CACHD1: variants seen among roughly 807,000 people sequenced by gnomAD.
The protein encoded by CACHD1 is VWFA and cache domain-containing protein 1.
A neutral mutation model predicts 138.7 loss-of-function variants in CACHD1; 71 were observed. The ratio of observed to expected loss-of-function variants is 0.51; its 90% CI spans 0.42 to 0.62. The LOEUF is 0.62. CACHD1 is among the 20% of genes least tolerant of loss of function. CACHD1 has a pLI of 0.00. For missense variants in CACHD1, 1,389 were observed against 1,625.3 expected, an observed-to-expected ratio of 0.85 and a Z score of 2.50; for synonymous variants, 578 against 591.5, an observed-to-expected ratio of 0.98 and a Z score of 0.33.
Position 64,693,041 on chromosome 1 carries a change from C to T in CACHD1, c.*1480C>T, listed in dbSNP as rs1926303. 0.91 allele frequency: 139,221 copies of T among 152,742 alleles called. 63,672 individuals carry two copies. The highest frequency in any genetic ancestry group is 1 in the East Asian group (5,179 of 5,184). The allele number at this position is 152,742 out of a possible 1,614,324, so 9.5% of individuals were successfully genotyped here. A position where few individuals can be genotyped will look rare whatever the true frequency, so the allele number is the denominator to read the frequency against. ...AAAATTGCAATCTAGTGAAATAAAC[C>T]GTATGCAATGGACCATTTTAGTGGC... On this transcript the variant is annotated 3_prime_UTR_variant, in exon 27 of 27. Transcript: ENST00000651257.
intron 4 of CACHD1, among the ~76,000 whole-genome samples, chr1:64,606,004 T>G (rs1647325048): frequency 6.6e-6 from 1 of 152,078 alleles, no homozygotes; most frequent in African/African-American, 2.4e-5. Flanking sequence ...GTCTCCTACC[T>G]GTTAAGTGGA....
chr1:64,647,783 C>T lies in CACHD1; in HGVS notation c.1157-18C>T, dbSNP rs1648957810. ...ACCATTTTGCTTTCCGTGGTCTTCTCTCGGCTTTCCATTTTAGATGGGGTG... is the reference window on the plus strand; with the variant it reads ...ACCATTTTGCTTTCCGTGGTCTTCTTTCGGCTTTCCATTTTAGATGGGGTG... On this transcript the variant is annotated intron_variant, in intron 8 of 26. Coordinates refer to ENST00000651257, the MANE Select transcript of CACHD1 (RefSeq NM_020925.4). The T allele has an allele frequency of 2.5e-6, 4 of 1,611,662 alleles. No individual in the cohort carries two copies. The East Asian group carries it at 8.9e-5, about 36-fold the overall frequency.
Position 64,637,102 on chromosome 1 carries a change from C to A in CACHD1, c.1006+2842C>A, listed in dbSNP as rs17387510. 6.2e-3 allele frequency among the ~76,000 whole-genome samples: 939 copies of A among 152,296 alleles called. 6 individuals carry two copies. The highest frequency in any genetic ancestry group is 9.6e-3 in the Non-Finnish European group (654 of 68,010). On this transcript the variant is annotated intron_variant, in intron 7 of 26. Coordinates refer to ENST00000651257, the MANE Select transcript of CACHD1 (RefSeq NM_020925.4). ...GGCAGATTGGCCTGTTTGTCAATGC[C>A]ACCCACCTGTCAGCATTCCTCACTA... is the stretch of plus-strand genomic sequence containing the variant.
intron 14 of CACHD1, 194 bp from the exon 15 acceptor site, chr1:64,664,304 C>T (rs1299280714): frequency 2.2e-5 from 13 of 597,242 alleles, no homozygotes; most frequent in South Asian, 8.6e-5. Flanking sequence ...TGAGTGATCA[C>T]GCATCTGCTG....
intron 4 of CACHD1, among the ~76,000 whole-genome samples, chr1:64,615,756 A>G (rs1188279956): frequency 2.0e-5 from 3 of 152,224 alleles, no homozygotes; most frequent in Non-Finnish European, 4.4e-5. Flanking sequence ...AACACACATA[A>G]ATGTCCCATG....
At chr1:64,535,327 G>GTTT (rs3078381) in intron 1 of CACHD1, among the ~76,000 whole-genome samples, 16,690 of 136,410 alleles carry the variant, frequency 0.12, 2,208 homozygotes, top group African/African-American at 0.34. Flanking sequence ...AATTTGGAGG[G>GTTT]TTTTTTTTTT....
intron 1 of CACHD1, among the ~76,000 whole-genome samples, chr1:64,548,958 T>A (rs1332083112): frequency 1.3e-5 from 2 of 152,184 alleles, no homozygotes; most frequent in African/African-American, 4.8e-5. Context: ...ACAATAGAGT[T>A]AGGAGCGCCA....
chr1:64,483,636 GAGTT>G (rs1205114970), intron 1 of CACHD1, among the ~76,000 whole-genome samples: 1 of 143,220 alleles, frequency 7.0e-6, no homozygotes, highest in Non-Finnish European at 1.5e-5. Flanking sequence ...TTGAGGCCAG[GAGTT>G]CAAGACCAGT....
intron 19 of CACHD1, 30 bp from the exon 20 acceptor site, chr1:64,675,371 G>A: frequency 6.5e-7 from 1 of 1,532,812 alleles, no homozygotes; most frequent in South Asian, 1.2e-5. Flanking sequence ...ATTGCTGTCT[G>A]TCATTTCTGA....
chr1:64,687,872 A>G (rs1397722999), intron 26 of CACHD1, among the ~76,000 whole-genome samples: 2 of 152,122 alleles, frequency 1.3e-5, no homozygotes, highest in African/African-American at 4.8e-5. Flanking sequence ...GATAAACAGG[A>G]ACTTACAATT....
At chr1:64,613,027 A>C (rs1647587210) in intron 4 of CACHD1, among the ~76,000 whole-genome samples, 1 of 152,162 alleles carries the variant, frequency 6.6e-6, no homozygotes, top group Admixed American at 6.5e-5. Context: ...CATTAATAGG[A>C]GTTTGGAAGA....
chr1:64,495,691 CTTTT>C (rs11302911), intron 1 of CACHD1, among the ~76,000 whole-genome samples: 2 of 148,042 alleles, frequency 1.4e-5, no homozygotes, highest in East Asian at 4.0e-4. Context: ...AAGAGAATTA[CTTTT>C]TTTTTTTTTG....
intron 10 of CACHD1, 143 bp from the exon 11 acceptor site, chr1:64,653,615 C>G (rs888122798): frequency 1.4e-5 from 10 of 693,790 alleles, no homozygotes; most frequent in Non-Finnish European, 2.1e-5. Context: ...AAAACAGGTT[C>G]AGTTTTTACT....
chr1:64,638,389 C>T (rs1037687978), intron 7 of CACHD1, among the ~76,000 whole-genome samples: 1 of 152,148 alleles, frequency 6.6e-6, no homozygotes, highest in African/African-American at 2.4e-5. Flanking sequence ...ACATTGGTAG[C>T]CATATAAAAA....
chr1:64,557,474 C>A (rs1570363650), intron 2 of CACHD1, among the ~76,000 whole-genome samples: 1 of 152,046 alleles, frequency 6.6e-6, no homozygotes, highest in South Asian at 2.1e-4. Flanking sequence ...TTTCAGAATT[C>A]CTTTGAAATG....
chr1:64,599,421 T>C (rs1647192540), intron 3 of CACHD1, among the ~76,000 whole-genome samples: 2 of 151,690 alleles, frequency 1.3e-5, no homozygotes, highest in Admixed American at 6.6e-5. Flanking sequence ...TAGGGAGAAA[T>C]TTGAAAGAGG....
At chr1:64,474,606 A>AT (rs567875485) in intron 1 of CACHD1, among the ~76,000 whole-genome samples, 163 of 152,306 alleles carry the variant, frequency 1.1e-3, no homozygotes, top group African/African-American at 3.8e-3. Flanking sequence ...TATTCAGGGG[A>AT]TTTTACAAGG....
rs11297820 is a variant in CACHD1, at chr1:64,483,864, T to TC, written c.198+12933dup. Among the ~76,000 whole-genome samples, 653 of 130,576 alleles carry TC rather than the reference T, an allele frequency of 5.0e-3. 4 individuals are homozygous for TC. The highest frequency in any genetic ancestry group is 6.2e-3 in the Non-Finnish European group (391 of 63,564). The allele number at this position is 130,576 out of a possible 152,430, so 85.7% of individuals were successfully genotyped here. On this transcript the variant is annotated intron_variant, in intron 1 of 26. Transcript: ENST00000651257. ...ACCTTTGTGACCTTATCTTTTACCT[T>TC]CCCCCCCCCCCTTGCATATAACTCT...
At chr1:64,471,753 A>G (rs1392299943) in intron 1 of CACHD1, among the ~76,000 whole-genome samples, 2 of 152,194 alleles carry the variant, frequency 1.3e-5, no homozygotes, top group Non-Finnish European at 2.9e-5. Context: ...ATTTCTCCAG[A>G]TTGTTTATCA....
Sources: allele counts gnomAD v4.1 joint callset (sites outside exome capture counted in the v4.1 genomes callset), GRCh38; gene constraint gnomAD v4.1.1; transcripts MANE v1.5; gene names NCBI Gene and HGNC (gene_info 2026-07-23, HGNC 2026-07-21).